Variants in RORA observed in about 807,000 individuals in gnomAD.
RORA encodes nuclear receptor ROR-alpha.
In RORA, 7 loss-of-function variants were observed where a neutral mutation model predicts 69.5. The ratio of observed to expected loss-of-function variants is 0.10; its 90% CI spans 0.06 to 0.19. The LOEUF is 0.19. Among genes scored for constraint, RORA ranks in the 10% least tolerant of loss-of-function variants. The pLI is 1.00. For missense variants in RORA, 457 were observed against 663.0 expected (o/e 0.69, Z 3.41); for synonymous variants, 261 against 240.8 (o/e 1.08, Z -0.78).
At chr15:61,026,081 T>G (rs950113838) in intron 1 of RORA, among the ~76,000 whole-genome samples, 1 of 152,238 alleles carries the variant, frequency 6.6e-6, no homozygotes, top group Non-Finnish European at 1.5e-5. Context: ...CTCATGGGAA[T>G]AGACATCTGA....
At chr15:60,946,410 G>GGC (rs572552421) in intron 1 of RORA, among the ~76,000 whole-genome samples, 2 of 152,208 alleles carry the variant, frequency 1.3e-5, no homozygotes, top group African/African-American at 4.8e-5. Flanking sequence ...TGCGATTGCA[G>GGC]GCGCGCGCCG....
intron 1 of RORA, among the ~76,000 whole-genome samples, chr15:61,134,230 G>T (rs1011744369): frequency 6.6e-6 from 1 of 152,190 alleles, no homozygotes; most frequent in Non-Finnish European, 1.5e-5. Flanking sequence ...AGAATGGTCT[G>T]CCGGCTTATT....
intron 3 of RORA, among the ~76,000 whole-genome samples, chr15:60,527,901 C>G (rs1400622914): frequency 1.3e-5 from 2 of 152,106 alleles, no homozygotes; most frequent in African/African-American, 4.8e-5. Context: ...ATTCCTTGTT[C>G]TCCTTCTTCC....
At chr15:60,979,015 G>A (rs188685923) in intron 1 of RORA, among the ~76,000 whole-genome samples, 84 of 127,344 alleles carry the variant, frequency 6.6e-4, no homozygotes, top group African/African-American at 1.9e-3. Context: ...AGGCTGGAGT[G>A]CAGTGGTGCG....
chr15:60,564,517 G>A (rs1367380327), intron 2 of RORA, among the ~76,000 whole-genome samples: 3 of 152,130 alleles, frequency 2.0e-5, no homozygotes, highest in Non-Finnish European at 4.4e-5. Context: ...TGAGAGAGCT[G>A]ACTAGGGATA....
chr15:60,500,301 C>T lies in RORA; in HGVS notation c.1295-297G>A, dbSNP rs556184320. 7.2e-5 allele frequency among the ~76,000 whole-genome samples: 11 copies of T among 152,290 alleles called. No homozygotes were observed. In the East Asian group the frequency reaches 1.9e-3, roughly 27 times the overall value. On this transcript the variant is annotated intron_variant, in intron 9 of 10. Coordinates refer to ENST00000335670, the MANE Select transcript of RORA (RefSeq NM_134261.3). ...CTCATATGAGTGCAAATGAAACCAT[C>T]ATGGCCCCTCGAGACGTTCTAATAA... is the stretch of plus-strand genomic sequence containing the variant.
intron 1 of RORA, among the ~76,000 whole-genome samples, chr15:61,192,210 T>C (rs1255727229): frequency 6.6e-6 from 1 of 152,244 alleles, no homozygotes; most frequent in African/African-American, 2.4e-5. Context: ...TGGCCTTTAA[T>C]TCCTCTCATT....
At chr15:60,540,421 C>A (rs2140348647) in intron 2 of RORA, among the ~76,000 whole-genome samples, 1 of 152,180 alleles carries the variant, frequency 6.6e-6, no homozygotes, top group East Asian at 1.9e-4. Context: ...TTACTTTAAC[C>A]AATTACCCCC....
rs114420207 is a variant in RORA at position 61,110,986 on chromosome 15, A to C, written c.166+118067T>G. Among the ~76,000 whole-genome samples, 1,213 of 152,232 alleles carry C rather than the reference A, an allele frequency of 8.0e-3. 14 individuals are homozygous for C. The highest frequency in any genetic ancestry group is 0.027 in the African/African-American group (1,139 of 41,530). ...GTTTCCTTCTGTATTCCTGCTCCAC[A>C]CATAGGAGACTTCCACAAATGTTCC... On this transcript the variant is annotated intron_variant, in intron 1 of 10. Coordinates refer to ENST00000335670, the MANE Select transcript of RORA (RefSeq NM_134261.3).
intron 1 of RORA, among the ~76,000 whole-genome samples, chr15:61,076,844 A>G (rs1356449708): frequency 1.3e-5 from 2 of 152,160 alleles, no homozygotes; most frequent in Non-Finnish European, 2.9e-5. Flanking sequence ...GACTCTTGGT[A>G]TCAAAGAACT....
intron 2 of RORA, among the ~76,000 whole-genome samples, chr15:60,642,357 A>C (rs980194771): frequency 3.9e-5 from 6 of 152,200 alleles, no homozygotes; most frequent in Non-Finnish European, 5.9e-5. Context: ...CCGTGGGACA[A>C]ATTTGGAACC....
intron 1 of RORA, among the ~76,000 whole-genome samples, chr15:61,139,098 C>G (rs908419064): frequency 6.6e-6 from 1 of 151,526 alleles, no homozygotes; most frequent in African/African-American, 2.4e-5. Context: ...GAGCCAAGAT[C>G]GCGCCACTGC....
intron 1 of RORA, among the ~76,000 whole-genome samples, chr15:60,937,706 G>T (rs1007142422): frequency 6.6e-6 from 1 of 152,214 alleles, no homozygotes; most frequent in Admixed American, 6.5e-5. Context: ...CCTGGTTCAC[G>T]TTTCAGCTCC....
chr15:60,957,882 T>A (rs1341696539), intron 1 of RORA, among the ~76,000 whole-genome samples: 1 of 152,214 alleles, frequency 6.6e-6, no homozygotes, highest in African/African-American at 2.4e-5. Flanking sequence ...GTACTTTCCA[T>A]GATTTATCCT....
intron 2 of RORA, among the ~76,000 whole-genome samples, chr15:60,664,286 A>T (rs2070349563): frequency 6.6e-6 from 1 of 152,096 alleles, no homozygotes; most frequent in Admixed American, 6.5e-5. Context: ...GGTGGTGAGG[A>T]TGTGTGTGTG....
chr15:60,601,760 C>T (rs2068816558), intron 2 of RORA, among the ~76,000 whole-genome samples: 1 of 152,014 alleles, frequency 6.6e-6, no homozygotes. Context: ...TTAAGCAGAG[C>T]CATTTATTTT....
chr15:60,968,080 C>T (rs1893606373), intron 1 of RORA, among the ~76,000 whole-genome samples: 1 of 152,184 alleles, frequency 6.6e-6, no homozygotes, highest in African/African-American at 2.4e-5. Context: ...ACTTAAGCAC[C>T]AATAATAAAT....
At chr15:60,672,513 G>A (rs1217444468) in intron 2 of RORA, among the ~76,000 whole-genome samples, 1 of 152,136 alleles carries the variant, frequency 6.6e-6, no homozygotes, top group African/African-American at 2.4e-5. Context: ...GCTTAGAGAA[G>A]TGCCTAGCAC....
chr15:60,825,471 G>A (rs776560094), intron 1 of RORA, among the ~76,000 whole-genome samples: 1 of 152,180 alleles, frequency 6.6e-6, no homozygotes, highest in Admixed American at 6.5e-5. Context: ...TCAGGAGGTT[G>A]GTTTGAATCA....
Sources: allele counts gnomAD v4.1 joint callset (sites outside exome capture counted in the v4.1 genomes callset), GRCh38; gene constraint gnomAD v4.1.1; transcripts MANE v1.5; gene names NCBI Gene and HGNC (gene_info 2026-07-23, HGNC 2026-07-21).